RIMKLB: variants seen among roughly 807,000 people sequenced by gnomAD.
RIMKLB encodes ribosomal modification protein rimK like family member B, also known as beta-citrylglutamate synthase B.
RIMKLB carries 7 observed loss-of-function variants against 32.0 expected under a neutral mutation model. The ratio of observed to expected loss-of-function variants is 0.22; its 90% CI spans 0.12 to 0.41. RIMKLB has a LOEUF of 0.41. RIMKLB is among the 10% of genes least tolerant of loss of function. The probability of loss-of-function intolerance (pLI) is 1.00; values close to 1 mark genes in which losing one functional copy is unlikely to be tolerated. For missense variants in RIMKLB, 289 were observed against 498.7 expected, an observed-to-expected ratio of 0.58 and a Z score of 4.00; for synonymous variants, 172 against 185.1, an observed-to-expected ratio of 0.93 and a Z score of 0.57.
chr12:8,706,444 CTTTT>C (rs1199005342), intron 1 of RIMKLB, among the ~76,000 whole-genome samples: 3 of 95,224 alleles, frequency 3.2e-5, no homozygotes, highest in Non-Finnish European at 6.4e-5. Context: ...CACGCCTGGA[CTTTT>C]TTTTTTTTTT....
chr12:8,767,797 A>G (rs1259795381), intron 5 of RIMKLB, among the ~76,000 whole-genome samples: 1 of 152,224 alleles, frequency 6.6e-6, no homozygotes, highest in Non-Finnish European at 1.5e-5. Context: ...TTTCCCAGAC[A>G]ACCTCACACC....
At chr12:8,754,825 T>C (rs1345921088) in intron 5 of RIMKLB, among the ~76,000 whole-genome samples, 2 of 152,206 alleles carry the variant, frequency 1.3e-5, no homozygotes, top group African/African-American at 4.8e-5. Context: ...GGGTCTTGTC[T>C]GTCTCCCAGG....
At chr12:8,762,759 T>A in intron 5 of RIMKLB, among the ~76,000 whole-genome samples, 1 of 152,190 alleles carries the variant, frequency 6.6e-6, no homozygotes, top group Non-Finnish European at 1.5e-5. Context: ...GTGAGGGGGT[T>A]ACTTTGAAGT....
upstream of RIMKLB, among the ~76,000 whole-genome samples, chr12:8,693,102 G>T (rs1332517971): frequency 1.3e-5 from 2 of 152,220 alleles, no homozygotes; most frequent in Admixed American, 1.3e-4. Flanking sequence ...AGGGGGAAAT[G>T]ATTTGCAACA....
At chr12:8,696,203 G>C (rs1942884733), upstream of RIMKLB, among the ~76,000 whole-genome samples, 1 of 152,040 alleles carries the variant, frequency 6.6e-6, no homozygotes, top group African/African-American at 2.4e-5. Context: ...TGTTTATTTT[G>C]TCAGATTTTC....
intron 1 of RIMKLB, among the ~76,000 whole-genome samples, chr12:8,710,742 T>C (rs974832519): frequency 6.6e-6 from 1 of 152,138 alleles, no homozygotes; most frequent in African/African-American, 2.4e-5. Context: ...ACATTTCTGC[T>C]TCCCAATTGC....
chr12:8,776,747 C>T lies in RIMKLB; in HGVS notation c.*2963C>T. On this transcript the variant is annotated 3_prime_UTR_variant, in exon 6 of 6. Coordinates refer to ENST00000535829, the MANE Select transcript of RIMKLB (RefSeq NM_001297776.2). ...TTCTCCAATGAACATTGAAATCTTCCTGTATATGTTACCAATAAGAAAACT... is the reference window on the plus strand; with the variant it reads ...TTCTCCAATGAACATTGAAATCTTCTTGTATATGTTACCAATAAGAAAACT... 1.0e-6 allele frequency: 1 copy of T among 985,198 alleles called. No homozygotes were observed. Among genetic ancestry groups the T allele is most frequent in the Non-Finnish European group, 1.2e-6 (1 of 829,860 alleles). The allele number at this position is 985,198 out of a possible 1,614,324, so 61.0% of individuals were successfully genotyped here.
At chr12:8,680,227 C>G (rs1942380807), upstream of RIMKLB, among the ~76,000 whole-genome samples, 1 of 152,244 alleles carries the variant, frequency 6.6e-6, no homozygotes, top group Non-Finnish European at 1.5e-5. Context: ...GCGATCTCGG[C>G]TCACTGCAAG....
At chr12:8,733,640 A>G (rs1218872563) in intron 2 of RIMKLB, among the ~76,000 whole-genome samples, 1 of 152,236 alleles carries the variant, frequency 6.6e-6, no homozygotes, top group Non-Finnish European at 1.5e-5. Flanking sequence ...TGGGAGGCCA[A>G]GGCAGGAAGA....
At chr12:8,690,721 G>A (rs1011118675) in intron 1 of RIMKLB, among the ~76,000 whole-genome samples, 6 of 152,060 alleles carry the variant, frequency 3.9e-5, no homozygotes, top group African/African-American at 1.4e-4. Context: ...TCAGGATATC[G>A]AGACCATCCC....
chr12:8,745,946 C>T (rs1239379200), intron 2 of RIMKLB, among the ~76,000 whole-genome samples: 1 of 151,670 alleles, frequency 6.6e-6, no homozygotes, highest in African/African-American at 2.4e-5. Flanking sequence ...CCACCCACCT[C>T]GGCTTCCTAA....
At position 8,686,768 on chromosome 12, in the gene RIMKLB, C is replaced by T. The variant is rs371225256; in HGVS notation, n.219+4950C>T. Among the ~76,000 whole-genome samples the T allele has an allele frequency of 1.1e-4, 16 of 152,296 alleles. 1 individual carries two copies. The East Asian group carries it at 1.7e-3, about 16-fold the overall frequency. On this transcript the variant is annotated intron_variant and non_coding_transcript_variant, in intron 1 of 1. Transcript: ENST00000538758. ...AATTGCTGGGATTACAGGTGTGAGC[C>T]ACCACACCCGGCCTCCACTGACTTT...
intron 1 of RIMKLB, among the ~76,000 whole-genome samples, chr12:8,686,304 T>C (rs1484633715): frequency 6.6e-6 from 1 of 151,106 alleles, no homozygotes; most frequent in African/African-American, 2.4e-5. Context: ...TCCTTTCCTT[T>C]CCTTTTTGGA....
At chr12:8,713,734 G>A (rs760158083) in intron 1 of RIMKLB, 77 bp from the exon 2 acceptor site, 9 of 863,714 alleles carry the variant, frequency 1.0e-5, no homozygotes, top group East Asian at 2.6e-5. Flanking sequence ...TATAATCACG[G>A]CATTTATTTG....
rs74059971 is a variant in RIMKLB at position 8,714,182 on chromosome 12, A to T, written c.175+141A>T. 77 of 637,500 alleles carry T rather than the reference A, an allele frequency of 1.2e-4. No individual in the cohort carries two copies. In the African/African-American group the frequency reaches 1.3e-3, roughly 11 times the overall value. 39.5% of individuals were successfully genotyped at this position (637,500 alleles called of 1,614,324 possible). On this transcript the variant is annotated intron_variant, in intron 2 of 5. Coordinates refer to ENST00000535829, the MANE Select transcript of RIMKLB (RefSeq NM_001297776.2). ...CTAATTATAAGGTCTAATATATTTT[A>T]TGAAAGTAATATAAACACTAATATT...
chr12:8,723,749 A>G (rs998744837), intron 2 of RIMKLB, among the ~76,000 whole-genome samples: 1 of 147,088 alleles, frequency 6.8e-6, no homozygotes, highest in Non-Finnish European at 1.5e-5. Flanking sequence ...TCCATAATGC[A>G]TATTATGGTT....
At chr12:8,684,423 C>T (rs895104525) in intron 1 of RIMKLB, among the ~76,000 whole-genome samples, 1 of 152,100 alleles carries the variant, frequency 6.6e-6, no homozygotes, top group African/African-American at 2.4e-5. Flanking sequence ...TCCACCCGCC[C>T]CCGCCTCCCA....
At chr12:8,718,669 A>ATATG (rs1374109485) in intron 2 of RIMKLB, among the ~76,000 whole-genome samples, 17 of 116,204 alleles carry the variant, frequency 1.5e-4, no homozygotes, top group South Asian at 5.9e-4. Context: ...ATATATATAT[A>ATATG]TGTGTGTGTG....
the RIMKLB span, among the ~76,000 whole-genome samples, chr12:8,675,233 GTCTTATTT>G: frequency 3.3e-5 from 5 of 152,172 alleles, no homozygotes; most frequent in Non-Finnish European, 5.9e-5. Flanking sequence ...ACACATTTCA[GTCTTATTT>G]TCTTATTTTC....
Sources: allele counts gnomAD v4.1 joint callset (sites outside exome capture counted in the v4.1 genomes callset), GRCh38; gene constraint gnomAD v4.1.1; transcripts MANE v1.5; gene names NCBI Gene and HGNC (gene_info 2026-07-23, HGNC 2026-07-21).